The following LPIN3 variants were observed in gnomAD, a reference collection of about 807,000 sequenced individuals.
LPIN3 encodes lipin 3, also known as phosphatidate phosphatase LPIN3.
Under a neutral mutation model 94.7 loss-of-function variants are expected in LPIN3, and 82 were observed. The ratio of observed to expected loss-of-function variants is 0.87; its 90% CI spans 0.72 to 1.04. The LOEUF is 1.04. Among genes scored for constraint, LPIN3 ranks in the 50% least tolerant of loss-of-function variants. LPIN3 has a pLI of 0.00. For synonymous variants in LPIN3, 418 were observed against 443.3 expected, an observed-to-expected ratio of 0.94 and a Z score of 0.72; for missense variants, 996 against 1,090.5, an observed-to-expected ratio of 0.91 and a Z score of 1.22.
Position 41,357,072 on chromosome 20 carries a change from T to G in LPIN3, c.1836T>G (p.Asp612Glu). ...RRLNLQEGAN[D>E]VVFSVTTQYQ... ...TGAACCTGCAAGAAGGTGCCAATGA[T>G]GTGGTCTTCAGCGTGACCACTCAGT... Residue 612 changes from aspartate (D) to glutamate (E), a missense_variant, in exon 15 of 20, where the codon GAT (aspartate) becomes GAG (glutamate). By Grantham distance (45) the Asp-to-Glu change is conservative (BLOSUM62 2). Coordinates refer to ENST00000373257, the MANE Select transcript of LPIN3 (RefSeq NM_022896.3). The G allele has an allele frequency of 6.2e-7, 1 of 1,613,962 alleles. No individual in the cohort carries two copies. Among genetic ancestry groups the G allele is most frequent in the Non-Finnish European group, 8.5e-7 (1 of 1,179,906 alleles).
intron 1 of LPIN3, among the ~76,000 whole-genome samples, chr20:41,344,337 C>T (rs1474480707): frequency 1.3e-5 from 2 of 152,224 alleles, no homozygotes; most frequent in African/African-American, 4.8e-5. Flanking sequence ...TTTACTCCCT[C>T]TCTCCCCTCC....
At chr20:41,348,371 G>T (rs2045863467) in intron 3 of LPIN3, among the ~76,000 whole-genome samples, 1 of 152,214 alleles carries the variant, frequency 6.6e-6, no homozygotes, top group Non-Finnish European at 1.5e-5. Flanking sequence ...ATAGACTTGG[G>T]TAGAAGAGGA....
chr20:41,357,829 TG>T, intron 16 of LPIN3, 52 bp from the exon 17 acceptor site: 3 of 1,606,880 alleles, frequency 1.9e-6, no homozygotes, highest in Non-Finnish European at 1.7e-6. Flanking sequence ...GAGAAACAGA[TG>T]GGGGCTGGCT....
At chr20:41,356,083 CTG>C in intron 14 of LPIN3, 49 bp downstream of exon 14, 1 of 1,600,262 alleles carries the variant, frequency 6.2e-7, no homozygotes, top group Non-Finnish European at 8.5e-7. Context: ...TGAGCTAATT[CTG>C]TCTTAGAGTC....
At position 41,348,654 on chromosome 20, in the gene LPIN3, C is replaced by T; in HGVS notation, c.324C>T (p.Ile108=). 1 of 1,613,462 alleles carries T rather than the reference C, an allele frequency of 6.2e-7. No homozygotes were observed. Among genetic ancestry groups the T allele is most frequent in the Non-Finnish European group, 8.5e-7 (1 of 1,179,542 alleles). The part of the protein sequence containing the change: ...HVPPGLCTSP[I]PWGGLSGFPS... Reference sequence around the variant, plus strand: ...CTCCCGGCCTGTGCACCTCACCCATCCCTTGGGGGGGTCTGTCTGGCTTCC... The same window carrying T: ...CTCCCGGCCTGTGCACCTCACCCATTCCTTGGGGGGGTCTGTCTGGCTTCC... Residue 108 remains isoleucine (I), a synonymous_variant, in exon 4 of 20, where the codon ATC becomes ATT. Transcript: ENST00000373257.
intron 15 of LPIN3, 56 bp downstream of exon 15, chr20:41,357,244 C>G: frequency 6.2e-7 from 1 of 1,609,574 alleles, no homozygotes; most frequent in South Asian, 1.1e-5. Flanking sequence ...ACTCGCCTCC[C>G]TCTGTGCTGG....
In LPIN3 at chr20:41,355,941, C is replaced by T; in HGVS notation, c.1710C>T (p.Ser570=). 4 of 1,614,128 alleles carry T rather than the reference C, an allele frequency of 2.5e-6. No individual in the cohort carries two copies. The highest frequency in any genetic ancestry group is 3.4e-6 in the Non-Finnish European group (4 of 1,180,000). Residue 570 remains serine, a synonymous_variant, in exon 14 of 20, where the codon AGC becomes AGT. Coordinates refer to ENST00000373257, the MANE Select transcript of LPIN3 (RefSeq NM_022896.3). The stretch of plus-strand genomic sequence containing the variant: ...GCAGTGATGACGATGCCCCAGACAG[C>T]CCTGTGATCCTGGAGATCCCCTCCT... ...VLSSDDDAPD[S]PVILEIPSLP...
chr20:41,358,191 T>C, intron 17 of LPIN3, 46 bp from the exon 18 acceptor site: 1 of 1,601,730 alleles, frequency 6.2e-7, no homozygotes, highest in Non-Finnish European at 8.5e-7. Context: ...CTCTGGCTTC[T>C]TCCCTACTTT....
chr20:41,348,843 GA>G lies in LPIN3; in HGVS notation c.514del (p.Ser172ValfsTer9). 1 of 1,608,994 alleles carries G rather than the reference GA, an allele frequency of 6.2e-7. No individual in the cohort carries two copies. The highest frequency in any genetic ancestry group is 2.2e-5 in the East Asian group (1 of 44,720). The stretch of plus-strand genomic sequence containing the variant: ...CAGAGGAACTGGAGGCAGGCGCTGA[GA>G]GTGAGCTATCCCTGCCGGAAAAGCT... ...SPEELEAGAE[S>X]ELSLPEKLRP... On this transcript the variant is annotated frameshift_variant, in exon 4 of 20. Coordinates refer to ENST00000373257, the MANE Select transcript of LPIN3 (RefSeq NM_022896.3). LOFTEE classifies it high-confidence loss of function.
chr20:41,347,678 C>A, intron 3 of LPIN3, 31 bp downstream of exon 3: 2 of 1,570,004 alleles, frequency 1.3e-6, no homozygotes, highest in Non-Finnish European at 1.7e-6. Context: ...GCACCTGCCC[C>A]GCCCACCCCT....
At chr20:41,350,512 G>T in intron 7 of LPIN3, 115 bp downstream of exon 7, 1 of 809,014 alleles carries the variant, frequency 1.2e-6, no homozygotes, top group Non-Finnish European at 1.9e-6. Flanking sequence ...GCTGTTCTTG[G>T]CACCAGCCTC....
In LPIN3 at chr20:41,359,594, GAC is replaced by G. The variant is rs1241849685; in HGVS notation, c.*732_*733del. On this transcript the variant is annotated 3_prime_UTR_variant, in exon 20 of 20. Coordinates refer to ENST00000373257, the MANE Select transcript of LPIN3 (RefSeq NM_022896.3). ...GGGAGTGTGGTACAGCCTCTGGAAGGACACAGTGTTCTCCCCGCCCCTTGTCT... is the reference window on the plus strand; with the variant it reads ...GGGAGTGTGGTACAGCCTCTGGAAGGACAGTGTTCTCCCCGCCCCTTGTCT... 3 of 152,352 alleles carry G rather than the reference GAC, an allele frequency of 2.0e-5. No individual in the cohort carries two copies. The East Asian group carries it at 5.8e-4, about 29-fold the overall frequency. The allele number at this position is 152,352 out of a possible 1,614,324, so 9.4% of individuals were successfully genotyped here.
chr20:41,355,896 G>GGAGAA lies in LPIN3; in HGVS notation c.1668_1672dup (p.Thr558ArgfsTer6). On this transcript the variant is annotated frameshift_variant and splice_region_variant, in exon 14 of 20. Transcript: ENST00000373257. LOFTEE classifies it high-confidence loss of function. ...GCCTGAGAGCCAGTGTGGTCCACAG[G>GGAGAA]GAGAAGACAGAAGTCCTGAGCAGTG... 1 of 1,614,026 alleles carries GGAGAA rather than the reference G, an allele frequency of 6.2e-7. No homozygotes were observed. Among genetic ancestry groups the GGAGAA allele is most frequent in the South Asian group, 1.1e-5 (1 of 91,072 alleles).
intron 2 of LPIN3, among the ~76,000 whole-genome samples, chr20:41,347,154 T>G (rs1396447176): frequency 1.3e-5 from 2 of 152,100 alleles, no homozygotes; most frequent in Non-Finnish European, 2.9e-5. Flanking sequence ...CCACCATTGT[T>G]TATGCAGCCA....
chr20:41,352,191 G>T lies in LPIN3; in HGVS notation c.1334G>T (p.Gly445Val). 6 of 1,614,206 alleles carry T rather than the reference G, an allele frequency of 3.7e-6. No individual in the cohort carries two copies. The highest frequency in any genetic ancestry group is 5.1e-6 in the Non-Finnish European group (6 of 1,180,046). Residue 445 changes from glycine (G) to valine (V), a missense_variant, in exon 9 of 20, where the codon GGA becomes GTA. Gly to Val is a moderately radical substitution (Grantham distance 109, BLOSUM62 -3). Transcript: ENST00000373257. The stretch of plus-strand genomic sequence containing the variant: ...ACAATAGCACTGTCCCTCTGTGGTG[G>T]ACTGGCTGACAGCCGGGACATCTCC... ...VDTIALSLCGGLADSRDISLE... is the reference protein window; with the variant it reads ...VDTIALSLCGVLADSRDISLE...
chr20:41,354,196 A>G (rs925789288), intron 11 of LPIN3, among the ~76,000 whole-genome samples: 1 of 152,204 alleles, frequency 6.6e-6, no homozygotes, highest in African/African-American at 2.4e-5. Context: ...GGGGTTGTTC[A>G]TGGAATAGGA....
chr20:41,351,066 A>C (rs2045990361), intron 7 of LPIN3, among the ~76,000 whole-genome samples: 1 of 149,734 alleles, frequency 6.7e-6, no homozygotes. Flanking sequence ...ATGTAGTGAG[A>C]ACCCATCTCT....
At position 41,352,231 on chromosome 20, in the gene LPIN3, C is replaced by G; in HGVS notation, c.1363+11C>G. On this transcript the variant is annotated intron_variant, in intron 9 of 19. Transcript: ENST00000373257. ...GGGACATCTCCCTAGGTATGTTCGA[C>G]CATGGCCAAGCCCTTTTGAGGGCTG... is the stretch of plus-strand genomic sequence containing the variant. 3 of 1,613,856 alleles carry G rather than the reference C, an allele frequency of 1.9e-6. No individual in the cohort carries two copies. The highest frequency in any genetic ancestry group is 2.5e-6 in the Non-Finnish European group (3 of 1,179,844).
rs1569000101 is a variant in LPIN3 at position 41,350,384 on chromosome 20, C to T, written c.1089C>T (p.Val363=). Residue 363 remains valine, a synonymous_variant, in exon 7 of 20, where the codon GTC becomes GTT. Coordinates refer to ENST00000373257, the MANE Select transcript of LPIN3 (RefSeq NM_022896.3). ...VPVPTGQPER[V]SRGKGSPKRS... ...TTCCCACCGGGCAGCCAGAGAGGGT[C>T]TCCAGGGGGAAAGGTGAGTGACGCT... 6.4e-7 allele frequency: 1 copy of T among 1,568,870 alleles called. No individual in the cohort carries two copies. The highest frequency in any genetic ancestry group is 1.7e-5 in the Admixed American group (1 of 57,184).
Sources: allele counts gnomAD v4.1 joint callset (sites outside exome capture counted in the v4.1 genomes callset), GRCh38; gene constraint gnomAD v4.1.1; transcripts MANE v1.5; gene names NCBI Gene and HGNC (gene_info 2026-07-23, HGNC 2026-07-21).